The following FOXN3 variants were observed in gnomAD, a reference collection of about 807,000 sequenced individuals.
The protein encoded by FOXN3 is forkhead box N3, also known as forkhead box protein N3.
In FOXN3, 7 loss-of-function variants were observed where a neutral mutation model predicts 38.4. That is an observed-to-expected ratio of 0.18 (90% CI 0.10 to 0.34). FOXN3 has a LOEUF of 0.34. FOXN3 is among the 10% of genes least tolerant of loss of function. FOXN3 has a pLI of 1.00. For missense variants in FOXN3, 456 were observed against 613.4 expected (o/e 0.74, Z 2.71); for synonymous variants, 230 against 242.2 (o/e 0.95, Z 0.47).
rs562229862 is a variant in FOXN3 at position 89,163,395 on chromosome 14, A to T, written c.852-426T>A. Among the ~76,000 whole-genome samples the T allele has an allele frequency of 2.0e-5, 3 of 152,286 alleles. No individual in the cohort carries two copies. Among genetic ancestry groups the T allele is most frequent in the East Asian group, 3.9e-4 (2 of 5,182 alleles). ...GCCTGCTCTCGTCTGAAGCGGCTAC[A>T]TTAGGAGGCTTTTGTCAGAAGACTA... is the stretch of plus-strand genomic sequence containing the variant. On this transcript the variant is annotated intron_variant, in intron 5 of 5. Coordinates refer to ENST00000557258, the MANE Select transcript of FOXN3 (RefSeq NM_005197.4). This position sits in a 1 kb window ranked among gnomAD's most constrained non-coding sequence, Gnocchi z 4.3.
chr14:89,266,487 T>TG (rs948389154), intron 4 of FOXN3, among the ~76,000 whole-genome samples: 23 of 151,868 alleles, frequency 1.5e-4, no homozygotes, highest in Non-Finnish European at 2.5e-4. Context: ...TGGAGGCGGC[T>TG]GGGGGGGCGG....
At chr14:89,406,597 A>G (rs1891395176) in intron 2 of FOXN3, among the ~76,000 whole-genome samples, 1 of 152,180 alleles carries the variant, frequency 6.6e-6, no homozygotes, top group South Asian at 2.1e-4. Context: ...CATAGGGTTT[A>G]GTGAGGAAGA....
At chr14:89,492,040 G>A (rs1893586848) in intron 1 of FOXN3, among the ~76,000 whole-genome samples, 1 of 152,186 alleles carries the variant, frequency 6.6e-6, no homozygotes, top group Non-Finnish European at 1.5e-5. Flanking sequence ...CGTCCTGACT[G>A]TTGGAAAGGC....
At chr14:89,509,635 T>C (rs918371911) in intron 1 of FOXN3, among the ~76,000 whole-genome samples, 6 of 152,212 alleles carry the variant, frequency 3.9e-5, no homozygotes, top group Admixed American at 2.6e-4. Flanking sequence ...ACGCCCAGCA[T>C]TGTCCATCTC....
chr14:89,171,575 A>G (rs1172525756), intron 5 of FOXN3, among the ~76,000 whole-genome samples: 1 of 152,208 alleles, frequency 6.6e-6, no homozygotes, highest in Non-Finnish European at 1.5e-5. Flanking sequence ...ATATTCAGAA[A>G]TGCAAGTTTT....
chr14:89,417,899 G>A, upstream of FOXN3: 1 of 366,468 alleles, frequency 2.7e-6, no homozygotes, highest in Non-Finnish European at 5.6e-6. Context: ...ACGCCGGTGG[G>A]GCCTCTCAAG....
intron 4 of FOXN3, among the ~76,000 whole-genome samples, chr14:89,271,048 C>A (rs181919069): frequency 6.6e-6 from 1 of 151,752 alleles, no homozygotes; most frequent in Non-Finnish European, 1.5e-5. Context: ...CATACCTGCA[C>A]ACACACACAC....
intron 1 of FOXN3, among the ~76,000 whole-genome samples, chr14:89,480,645 T>C (rs1893307669): frequency 6.6e-6 from 1 of 152,202 alleles, no homozygotes. Context: ...TATAGGCAAC[T>C]ACACCATTAC....
intron 1 of FOXN3, among the ~76,000 whole-genome samples, chr14:89,510,754 C>CA (rs1894040091): frequency 6.6e-6 from 1 of 152,110 alleles, no homozygotes; most frequent in African/African-American, 2.4e-5. Context: ...CCACCCTGGC[C>CA]AACATGGTGA....
rs537463095 is a variant in FOXN3 at position 89,567,754 on chromosome 14, G to T, written c.-15+51274C>A. On this transcript the variant is annotated intron_variant, in intron 1 of 6. Coordinates refer to the FOXN3 transcript ENST00000345097. ...TTTTTTTTTTTTTAGACAGAGTCTC[G>T]CTCTGTCTCCCAGGCTGGAGTGCAG... Among the ~76,000 whole-genome samples the T allele has an allele frequency of 2.0e-4, 27 of 135,828 alleles. No individual in the cohort carries two copies. The South Asian group carries it at 6.1e-3, about 31-fold the overall frequency. The allele number at this position is 135,828 out of a possible 152,430, so 89.1% of individuals were successfully genotyped here. A position where few individuals can be genotyped will look rare whatever the true frequency, so the allele number is the denominator to read the frequency against.
chr14:89,198,010 A>G (rs77497875), intron 4 of FOXN3, among the ~76,000 whole-genome samples: 3,348 of 152,292 alleles, frequency 0.022, 51 homozygotes, highest in Middle Eastern at 0.034. Flanking sequence ...CCCTACAATG[A>G]AGAAAAAATA....
chr14:89,421,977 TCAAA>T (rs1470038042), upstream of FOXN3, among the ~76,000 whole-genome samples: 1 of 152,122 alleles, frequency 6.6e-6, no homozygotes, highest in African/African-American at 2.4e-5. Flanking sequence ...ACTCCTAGAC[TCAAA>T]CAATCCTCCT....
intron 1 of FOXN3, chr14:89,486,760 C>T (rs1040629101): frequency 1.3e-5 from 2 of 152,156 alleles, no homozygotes; most frequent in Non-Finnish European, 2.9e-5. Context: ...TGGCCTGACT[C>T]TAGAAAATGA....
Position 89,584,234 on chromosome 14 carries a change from C to T in FOXN3, c.-15+34794G>A, listed in dbSNP as rs554563041. On this transcript the variant is annotated intron_variant, in intron 1 of 6. Coordinates refer to the FOXN3 transcript ENST00000345097. Reference sequence around the variant, plus strand: ...CCAACATGGTGAAACCCCATCTTTACTAAAAATATTTTAAAAATTAGCCAG... The same window carrying T: ...CCAACATGGTGAAACCCCATCTTTATTAAAAATATTTTAAAAATTAGCCAG... Among the ~76,000 whole-genome samples the T allele has an allele frequency of 1.9e-3, 294 of 152,054 alleles. 1 individual carries two copies. The highest frequency in any genetic ancestry group is 7.0e-3 in the African/African-American group (289 of 41,524).
At chr14:89,531,121 AAT>A (rs1894557321) in intron 1 of FOXN3, among the ~76,000 whole-genome samples, 1 of 148,914 alleles carries the variant, frequency 6.7e-6, no homozygotes, top group Non-Finnish European at 1.5e-5. Flanking sequence ...ACACACACAT[AAT>A]ATATATACAC....
chr14:89,464,922 A>T (rs1390299594), intron 1 of FOXN3, among the ~76,000 whole-genome samples: 2 of 151,980 alleles, frequency 1.3e-5, no homozygotes, highest in Admixed American at 6.6e-5. Flanking sequence ...GGTCTCGAAC[A>T]CCTGACCTCG....
At chr14:89,385,817 G>A (rs1221629405) in intron 2 of FOXN3, among the ~76,000 whole-genome samples, 1 of 152,188 alleles carries the variant, frequency 6.6e-6, no homozygotes, top group Non-Finnish European at 1.5e-5. Context: ...CAAAAAACAA[G>A]GAGTTGGCTA....
intron 4 of FOXN3, among the ~76,000 whole-genome samples, chr14:89,206,823 T>C (rs1398466586): frequency 1.3e-5 from 2 of 152,186 alleles, no homozygotes; most frequent in South Asian, 2.1e-4. Flanking sequence ...TTCGACTTTT[T>C]TTTCTTCTTT....
rs57128433 is a variant in FOXN3 at position 89,475,956 on chromosome 14, G to A, written c.-14-63466C>T. 4.5e-3 allele frequency among the ~76,000 whole-genome samples: 680 copies of A among 152,236 alleles called. 5 individuals carry two copies. The highest frequency in any genetic ancestry group is 0.015 in the African/African-American group (616 of 41,522). Reference sequence around the variant, plus strand: ...AACTGATGAGTAATTTGGACCTTTCGGTAGCTGCTATTTCCTGCCCCTTGT... The same window carrying A: ...AACTGATGAGTAATTTGGACCTTTCAGTAGCTGCTATTTCCTGCCCCTTGT... On this transcript the variant is annotated intron_variant, in intron 1 of 6. Coordinates refer to the FOXN3 transcript ENST00000345097.
Sources: allele counts gnomAD v4.1 joint callset (sites outside exome capture counted in the v4.1 genomes callset), GRCh38; gene constraint gnomAD v4.1.1; non-coding constraint Gnocchi (gnomAD v3.1); transcripts MANE v1.5; gene names NCBI Gene and HGNC (gene_info 2026-07-23, HGNC 2026-07-21).